The following MYO16 variants were observed in gnomAD, a reference collection of about 807,000 sequenced individuals.
MYO16 encodes the protein myosin XVI.
Under a neutral mutation model 205.3 loss-of-function variants are expected in MYO16, and 94 were observed. The observed-to-expected ratio is 0.46, with a 90% CI of 0.39 to 0.54. The LOEUF (loss-of-function observed/expected upper bound fraction) is 0.54. Ranked by LOEUF, MYO16 falls within the 20% of genes least tolerant of loss-of-function variation. The pLI is 0.00. For synonymous variants in MYO16, 988 were observed against 954.0 expected (o/e 1.04, Z -0.66); for missense variants, 2,315 against 2,387.5 (o/e 0.97, Z 0.63).
chr13:108,758,274 A>AT (rs1231880753), intron 4 of MYO16, among the ~76,000 whole-genome samples: 1 of 152,098 alleles, frequency 6.6e-6, no homozygotes, highest in Admixed American at 6.6e-5. Context: ...GACTATTGGG[A>AT]TTTTTTTGGT....
At chr13:108,907,182 G>A (rs1881026420) in intron 15 of MYO16, among the ~76,000 whole-genome samples, 1 of 152,072 alleles carries the variant, frequency 6.6e-6, no homozygotes, top group Non-Finnish European at 1.5e-5. Context: ...AAAGAGCAAA[G>A]TTTATTTCCA....
chr13:108,957,679 TC>T lies in MYO16; in HGVS notation c.1926-7del, dbSNP rs748333490. On this transcript the variant is annotated splice_polypyrimidine_tract_variant and splice_region_variant and intron_variant, in intron 16 of 34. Transcript: ENST00000457511. ...AGGCGATAACGTTACGTGCCTTGTC[TC>T]CTAACAGGTATTTGAACCAGACCAT... 1 of 1,588,918 alleles carries T rather than the reference TC, an allele frequency of 6.3e-7. No homozygotes were observed. Among genetic ancestry groups the T allele is most frequent in the South Asian group, 1.1e-5 (1 of 90,270 alleles).
chr13:109,028,279 A>G (rs1427969138), intron 23 of MYO16: 2 of 169,842 alleles, frequency 1.2e-5, no homozygotes, highest in Non-Finnish European at 2.5e-5. Flanking sequence ...ATTGTATAAT[A>G]TAACATTAAA....
intron 16 of MYO16, among the ~76,000 whole-genome samples, chr13:108,933,165 A>C: frequency 6.6e-6 from 1 of 152,160 alleles, no homozygotes; most frequent in East Asian, 1.9e-4. Context: ...TTCATTCACT[A>C]ACTGTGTGTG....
chr13:108,610,872 G>A (rs1879147651), intron 1 of MYO16, among the ~76,000 whole-genome samples: 1 of 152,162 alleles, frequency 6.6e-6, no homozygotes, highest in African/African-American at 2.4e-5. Flanking sequence ...GCTTGTCTGT[G>A]TTAGTGCTCT....
intron 2 of MYO16, among the ~76,000 whole-genome samples, chr13:108,684,747 A>G (rs116009167): frequency 6.6e-6 from 1 of 152,118 alleles, no homozygotes; most frequent in Non-Finnish European, 1.5e-5. Flanking sequence ...GAACATGCCT[A>G]TGTAACGAAG....
intron 2 of MYO16, among the ~76,000 whole-genome samples, chr13:108,694,903 G>A (rs998222451): frequency 7.9e-5 from 12 of 151,848 alleles, no homozygotes; most frequent in Non-Finnish European, 1.5e-4. Context: ...ACCTGAGGTC[G>A]GGAGTTCGAG....
chr13:108,703,838 A>C (rs1193303819), intron 2 of MYO16, among the ~76,000 whole-genome samples: 2 of 152,192 alleles, frequency 1.3e-5, no homozygotes, highest in Non-Finnish European at 2.9e-5. Context: ...TTCATATGTT[A>C]TACCCTTAGC....
chr13:109,192,743 A>G (rs1879977132), intron 34 of MYO16, among the ~76,000 whole-genome samples: 2 of 152,198 alleles, frequency 1.3e-5, no homozygotes, highest in Non-Finnish European at 2.9e-5. Context: ...ACTCAGGTTT[A>G]CTTATGGTGA....
chr13:108,955,156 G>A lies in MYO16; in HGVS notation c.1926-2532G>A, dbSNP rs373161557. Among the ~76,000 whole-genome samples the A allele has an allele frequency of 1.6e-4, 24 of 152,320 alleles. No homozygotes were observed. The East Asian group carries it at 2.5e-3, about 16-fold the overall frequency. ...CCCTGAGATGGCACCAGCCTTCAGG[G>A]TCATGTTTGTCACCTTACCTGTGTC... On this transcript the variant is annotated intron_variant, in intron 16 of 34. Transcript: ENST00000457511.
At chr13:108,822,287 A>T (rs998812650) in intron 8 of MYO16, among the ~76,000 whole-genome samples, 2 of 152,208 alleles carry the variant, frequency 1.3e-5, no homozygotes, top group African/African-American at 4.8e-5. Flanking sequence ...ATTTAATCTG[A>T]GGCAAATAAT....
At chr13:108,965,392 A>G (rs1594431703) in intron 20 of MYO16, among the ~76,000 whole-genome samples, 1 of 152,122 alleles carries the variant, frequency 6.6e-6, no homozygotes, top group African/African-American at 2.4e-5. Context: ...TTTGGTTCAT[A>G]TCCCTAATCT....
At chr13:109,088,190 T>C (rs1888501246) in intron 27 of MYO16, among the ~76,000 whole-genome samples, 1 of 152,156 alleles carries the variant, frequency 6.6e-6, no homozygotes, top group Admixed American at 6.5e-5. Context: ...TGGTAGATGG[T>C]TCTGAGTATT....
At chr13:108,869,140 T>C (rs1003328245) in intron 12 of MYO16, among the ~76,000 whole-genome samples, 1 of 152,262 alleles carries the variant, frequency 6.6e-6, no homozygotes, top group South Asian at 2.1e-4. Context: ...AGCTTGTCAA[T>C]TTTGGGGCGC....
At chr13:108,793,272 C>T (rs1167190446) in intron 5 of MYO16, among the ~76,000 whole-genome samples, 5 of 132,636 alleles carry the variant, frequency 3.8e-5, no homozygotes, top group African/African-American at 1.5e-4. Context: ...GGCAACAGAG[C>T]AAGACTCTGT....
chr13:108,898,337 G>A (rs1432928927), intron 15 of MYO16, among the ~76,000 whole-genome samples: 1 of 101,680 alleles, frequency 9.8e-6, no homozygotes, highest in Non-Finnish European at 2.2e-5. Context: ...CAGGCACTCA[G>A]TTGAGGGTGT....
chr13:109,192,973 T>C (rs9788402), intron 34 of MYO16, among the ~76,000 whole-genome samples: 90,933 of 152,050 alleles, frequency 0.6, 29,649 homozygotes, highest in African/African-American at 0.85. Context: ...ATAATCTTTA[T>C]TCTTTAAGAT....
At chr13:108,971,444 A>C (rs1594436382) in intron 20 of MYO16, among the ~76,000 whole-genome samples, 1 of 148,328 alleles carries the variant, frequency 6.7e-6, no homozygotes, top group African/African-American at 2.6e-5. Flanking sequence ...TCATCTCTCT[A>C]TCTATCTAGT....
chr13:108,566,197 C>A, the MYO16 span, among the ~76,000 whole-genome samples: 1 of 152,032 alleles, frequency 6.6e-6, no homozygotes, highest in South Asian at 2.1e-4. Context: ...TGGCTTCAAT[C>A]TCATTGCTTG....
Sources: gnomAD v4.1 joint callset for allele counts (sites outside exome capture counted in the v4.1 genomes callset) on GRCh38, gnomAD v4.1.1 for gene constraint, MANE v1.5 for transcripts, NCBI Gene and HGNC (gene_info 2026-07-23, HGNC 2026-07-21) for gene names.